The following LAMC1 variants were observed in gnomAD, a reference collection of about 807,000 sequenced individuals.
LAMC1 encodes laminin subunit gamma-1.
A neutral mutation model predicts 173.6 loss-of-function variants in LAMC1; 38 were observed. That is an observed-to-expected ratio of 0.22 (90% CI 0.17 to 0.29). The LOEUF (loss-of-function observed/expected upper bound fraction) is 0.29. LAMC1 is among the 10% of genes least tolerant of loss of function. LAMC1 has a pLI of 1.00. For missense variants in LAMC1, 1,824 were observed against 2,051.8 expected (o/e 0.89, Z 2.14); for synonymous variants, 746 against 749.1 (o/e 1.00, Z 0.07).
At chr1:183,139,683 T>G (rs1657051507) in intron 26 of LAMC1, among the ~76,000 whole-genome samples, 1 of 152,244 alleles carries the variant, frequency 6.6e-6, no homozygotes, top group Non-Finnish European at 1.5e-5. Flanking sequence ...TACTTAAATC[T>G]CAACTAGATT....
chr1:183,069,379 T>C (rs1259230234), intron 1 of LAMC1, among the ~76,000 whole-genome samples: 2 of 152,218 alleles, frequency 1.3e-5, no homozygotes, highest in Non-Finnish European at 2.9e-5. Context: ...TTCATCAATA[T>C]ATGTAAAACT....
intron 1 of LAMC1, among the ~76,000 whole-genome samples, chr1:183,059,784 G>A (rs1383756031): frequency 6.6e-6 from 1 of 152,144 alleles, no homozygotes; most frequent in Non-Finnish European, 1.5e-5. Flanking sequence ...CATATTCGTA[G>A]GAAACCACAG....
At chr1:183,025,342 G>A (rs1287898925) in intron 1 of LAMC1, among the ~76,000 whole-genome samples, 1 of 152,120 alleles carries the variant, frequency 6.6e-6, no homozygotes, top group Non-Finnish European at 1.5e-5. Context: ...TTAACAAAAA[G>A]TACTTTGAAA....
At chr1:183,069,444 G>A (rs1654953896) in intron 1 of LAMC1, among the ~76,000 whole-genome samples, 1 of 152,194 alleles carries the variant, frequency 6.6e-6, no homozygotes, top group Non-Finnish European at 1.5e-5. Flanking sequence ...ATCCAGGAAA[G>A]GTAAAAGTTA....
chr1:183,074,903 A>G (rs1170654490), intron 1 of LAMC1, among the ~76,000 whole-genome samples: 1 of 152,124 alleles, frequency 6.6e-6, no homozygotes, highest in African/African-American at 2.4e-5. Flanking sequence ...TTGGGTATAT[A>G]TATTGGCCTT....
intron 1 of LAMC1, among the ~76,000 whole-genome samples, chr1:183,072,651 C>T (rs896751575): frequency 3.3e-5 from 5 of 152,192 alleles, no homozygotes; most frequent in Non-Finnish European, 5.9e-5. Context: ...CAGTCTGTGG[C>T]CTGTTAGGAA....
intron 1 of LAMC1, among the ~76,000 whole-genome samples, chr1:183,058,864 T>G (rs1654668318): frequency 6.6e-6 from 1 of 152,198 alleles, no homozygotes; most frequent in African/African-American, 2.4e-5. Context: ...ACCTACATGT[T>G]TACATGTATT....
rs951868410 is a variant in LAMC1 at position 183,122,630 on chromosome 1, C to T, written c.2401+379C>T. Among the ~76,000 whole-genome samples the T allele has an allele frequency of 2.0e-5, 3 of 152,194 alleles. No individual in the cohort carries two copies. In the East Asian group the frequency reaches 5.8e-4, roughly 29 times the overall value. On this transcript the variant is annotated intron_variant, in intron 13 of 27. Transcript: ENST00000258341. ...TGGATGGTGGGCTAGAAGCCTTCCA[C>T]TTGCCTTTCCACATCCCTGTTCACC... is the stretch of plus-strand genomic sequence containing the variant.
At position 183,103,594 on chromosome 1, in the gene LAMC1, C is replaced by T. The variant is rs1655892239; in HGVS notation, c.685C>T (p.Pro229Ser). 3.1e-6 allele frequency: 5 copies of T among 1,593,488 alleles called. No homozygotes were observed. Among genetic ancestry groups the T allele is most frequent in the Non-Finnish European group, 4.3e-6 (5 of 1,170,536 alleles). Residue 229 changes from proline (P) to serine (S), a missense_variant, in exon 2 of 28, where the codon CCC becomes TCC. Transcript: ENST00000258341. ...NVAFSTLEGR[P>S]SAYNFDNSPV... is the part of the protein sequence containing the mutation. ...GGCCTTTTCTACCCTGGAAGGAAGG[C>T]CCAGCGCCTATAACTTTGACAATAG... is the stretch of plus-strand genomic sequence containing the variant.
At position 183,024,023 on chromosome 1, in the gene LAMC1, G is replaced by A. The variant is rs1653611850; in HGVS notation, c.307G>A (p.Ala103Thr). 16 of 1,613,038 alleles carry A rather than the reference G, an allele frequency of 9.9e-6. No individual in the cohort carries two copies. The highest frequency in any genetic ancestry group is 1.3e-5 in the Non-Finnish European group (15 of 1,179,820). Residue 103 changes from alanine to threonine, a missense_variant, in exon 1 of 28, where the codon GCA (alanine) becomes ACA (threonine). Ala to Thr is a moderately conservative substitution (Grantham distance 58). Coordinates refer to ENST00000258341, the MANE Select transcript of LAMC1 (RefSeq NM_002293.4). Reference sequence around the variant, plus strand: ...CGGGCAGCCCCACCTGCAGCACGGGGCAGCCTTCCTGACCGACTACAACAA... The same window carrying A: ...CGGGCAGCCCCACCTGCAGCACGGGACAGCCTTCCTGACCGACTACAACAA... ...DAGQPHLQHG[A>T]AFLTDYNNQA...
intron 5 of LAMC1, among the ~76,000 whole-genome samples, chr1:183,115,101 A>G (rs1656280605): frequency 6.6e-6 from 1 of 152,214 alleles, no homozygotes. Flanking sequence ...TTGCGTGTGT[A>G]CAGAGATGCA....
intron 11 of LAMC1, 39 bp downstream of exon 11, chr1:183,118,185 A>T (rs773747076): frequency 8.4e-7 from 1 of 1,189,386 alleles, no homozygotes; most frequent in Admixed American, 1.8e-5. Context: ...GTTTAAAAAG[A>T]TGATTGGTTA....
intron 6 of LAMC1, among the ~76,000 whole-genome samples, 164 bp from the exon 7 acceptor site, chr1:183,116,413 G>C (rs1468566080): frequency 1.3e-5 from 2 of 151,364 alleles, no homozygotes; most frequent in Non-Finnish European, 2.9e-5. Context: ...GGAGGCGGAG[G>C]TTGCAGTGAG....
At chr1:183,070,997 C>T (rs1262476270) in intron 1 of LAMC1, among the ~76,000 whole-genome samples, 4 of 152,106 alleles carry the variant, frequency 2.6e-5, no homozygotes, top group Non-Finnish European at 5.9e-5. Flanking sequence ...AGCCTGCCAC[C>T]TGCTGTGTCG....
intron 1 of LAMC1, among the ~76,000 whole-genome samples, chr1:183,039,255 A>G (rs765260229): frequency 1.5e-5 from 2 of 134,698 alleles, no homozygotes; most frequent in South Asian, 5.5e-4. Context: ...GACTAAGGAT[A>G]AAGATTGTGG....
At position 183,127,210 on chromosome 1, in the gene LAMC1, TC is replaced by T. The variant is rs756904593; in HGVS notation, c.2945-15del. 2.5e-6 allele frequency: 4 copies of T among 1,611,312 alleles called. No individual in the cohort carries two copies. Among genetic ancestry groups the T allele is most frequent in the Non-Finnish European group, 3.4e-6 (4 of 1,178,424 alleles). On this transcript the variant is annotated splice_polypyrimidine_tract_variant and intron_variant, in intron 16 of 27. Transcript: ENST00000258341. ...TTCTTTTGCTAATTATGTATTATTTTCTCCTTATTCTGCAGCCTGTGACTGT... is the reference window on the plus strand; with the variant it reads ...TTCTTTTGCTAATTATGTATTATTTTTCCTTATTCTGCAGCCTGTGACTGT...
chr1:183,126,289 C>CT (rs759912411), intron 16 of LAMC1, 27 bp downstream of exon 16: 25 of 1,606,750 alleles, frequency 1.6e-5, no homozygotes, highest in Non-Finnish European at 2.0e-5. Flanking sequence ...GCATACAACT[C>CT]TAAGCTTCCA....
chr1:183,126,372 G>A (rs1359210010), intron 16 of LAMC1, 110 bp downstream of exon 16: 2 of 1,086,862 alleles, frequency 1.8e-6, no homozygotes, highest in Non-Finnish European at 1.3e-6. Flanking sequence ...CTCATAGTCA[G>A]GGCTGTACCT....
At chr1:183,072,385 T>G in intron 1 of LAMC1, among the ~76,000 whole-genome samples, 1 of 152,232 alleles carries the variant, frequency 6.6e-6, no homozygotes, top group African/African-American at 2.4e-5. Flanking sequence ...GTCTGCTTCC[T>G]TAGAGGCCAG....
Sources: gnomAD v4.1 joint callset for allele counts (sites outside exome capture counted in the v4.1 genomes callset) on GRCh38, gnomAD v4.1.1 for gene constraint, MANE v1.5 for transcripts, NCBI Gene and HGNC (gene_info 2026-07-23, HGNC 2026-07-21) for gene names.